The following ZMYND8 variants were observed in gnomAD, a reference collection of about 807,000 sequenced individuals.
ZMYND8 encodes the protein MYND-type zinc finger-containing chromatin reader ZMYND8.
ZMYND8 carries 37 observed loss-of-function variants against 140.8 expected under a neutral mutation model. The ratio of observed to expected loss-of-function variants is 0.26; its 90% CI spans 0.20 to 0.35. The LOEUF (loss-of-function observed/expected upper bound fraction) is 0.35, where lower values mean the gene tolerates loss of function less well. Among genes scored for constraint, ZMYND8 ranks in the 10% least tolerant of loss-of-function variants. The pLI is 1.00. For missense variants in ZMYND8, 1,068 were observed against 1,570.0 expected (o/e 0.68, Z 5.40); for synonymous variants, 592 against 597.1 (o/e 0.99, Z 0.12).
chr20:47,342,299 C>G (rs897243850), intron 2 of ZMYND8, among the ~76,000 whole-genome samples: 1 of 152,106 alleles, frequency 6.6e-6, no homozygotes, highest in Non-Finnish European at 1.5e-5. Flanking sequence ...AATCCCAGCA[C>G]TTTGGGAGGC....
intron 2 of ZMYND8, among the ~76,000 whole-genome samples, chr20:47,343,957 CTTT>C (rs750832298): frequency 1.7e-5 from 2 of 119,960 alleles, no homozygotes; most frequent in Non-Finnish European, 3.4e-5. Flanking sequence ...AGTGATAAAT[CTTT>C]TTTTTTTTTT....
At chr20:47,319,983 G>T (rs569781590) in intron 2 of ZMYND8, 2 of 152,122 alleles carry the variant, frequency 1.3e-5, no homozygotes, top group East Asian at 1.9e-4. Flanking sequence ...CCTTTACATT[G>T]TGGCTGGCTG....
intron 2 of ZMYND8, among the ~76,000 whole-genome samples, chr20:47,311,958 T>G (rs1398979292): frequency 6.6e-6 from 1 of 152,178 alleles, no homozygotes; most frequent in Non-Finnish European, 1.5e-5. Flanking sequence ...ATCCACTCCA[T>G]GCCCAATGGT....
At chr20:47,328,783 G>A (rs1280902294) in intron 2 of ZMYND8, among the ~76,000 whole-genome samples, 3 of 152,192 alleles carry the variant, frequency 2.0e-5, no homozygotes, top group Non-Finnish European at 2.9e-5. Context: ...TCTTGGAAGA[G>A]ATCCTTCATT....
rs1184351853 is a variant in ZMYND8, at chr20:47,249,363, G to A, written c.1698C>T (p.Ile566=). ...TGCTACGAATCTGGCGCTTGGGAGA[G>A]ATGAGAGGAACAGGGGTGGACTGTT... ...VQQQSTPVPL[I]SPKRQIRSRF... The change falls in exon 13 of 23, where the codon ATC becomes ATT. Residue 566 remains isoleucine (I), a synonymous_variant. Transcript: ENST00000471951. 6.2e-7 allele frequency: 1 copy of A among 1,614,166 alleles called. No individual in the cohort carries two copies. Among genetic ancestry groups the A allele is most frequent in the Non-Finnish European group, 8.5e-7 (1 of 1,180,024 alleles).
chr20:47,215,715 G>C (rs2035994714), intron 21 of ZMYND8, among the ~76,000 whole-genome samples: 2 of 152,094 alleles, frequency 1.3e-5, no homozygotes, highest in South Asian at 2.1e-4. Context: ...GTTGAGGAAG[G>C]AGACAGGACA....
intron 21 of ZMYND8, among the ~76,000 whole-genome samples, chr20:47,218,715 T>C (rs964156839): frequency 6.6e-6 from 1 of 152,150 alleles, no homozygotes; most frequent in African/African-American, 2.4e-5. Context: ...AGGGAGTTGC[T>C]TTTTCAATAG....
At chr20:47,262,186 A>G (rs913742356) in intron 12 of ZMYND8, 102 bp downstream of exon 12, 1 of 1,526,616 alleles carries the variant, frequency 6.6e-7, no homozygotes, top group African/African-American at 1.4e-5. Flanking sequence ...TTGCATAGAG[A>G]AAAGAGTTGA....
intron 20 of ZMYND8, among the ~76,000 whole-genome samples, 158 bp from the exon 21 acceptor site, chr20:47,220,482 G>A (rs529514753): frequency 3.2e-4 from 48 of 152,274 alleles, no homozygotes; most frequent in Non-Finnish European, 5.6e-4. Flanking sequence ...GGCACAGGGC[G>A]GCCAGGTGGC....
chr20:47,267,069 A>G (rs931630703), intron 11 of ZMYND8, among the ~76,000 whole-genome samples: 6 of 152,206 alleles, frequency 3.9e-5, no homozygotes, highest in African/African-American at 1.4e-4. Context: ...CCATAAAAGG[A>G]ATGAAGTTCT....
intron 1 of ZMYND8, chr20:47,355,376 T>C: frequency 2.2e-6 from 2 of 921,784 alleles, no homozygotes; most frequent in Non-Finnish European, 2.6e-6. Flanking sequence ...CAAGACCCAC[T>C]ATTACAAACA....
rs2039603071 is a variant in ZMYND8, at chr20:47,238,958, T to C, written c.2465A>G (p.Gln822Arg). 1 of 1,612,976 alleles carries C rather than the reference T, an allele frequency of 6.2e-7. No homozygotes were observed. The highest frequency in any genetic ancestry group is 8.5e-7 in the Non-Finnish European group (1 of 1,178,948). Residue 822 changes from glutamine to arginine, a missense_variant, in exon 15 of 23, where the codon CAG (glutamine) becomes CGG (arginine). Around this residue, in one of 10 missense-constraint regions of ZMYND8, gnomAD observed 383 missense variants for 431.2 expected, o/e 0.89. Transcript: ENST00000471951. ...AGTCTCCTTCGGTAAAAGCGGCCTC[T>C]GCTTTTTCACTGGGCTTCCTGTGGC... is the stretch of plus-strand genomic sequence containing the variant. ...PAATGSPVKK[Q>R]RPLLPKETAP...
At chr20:47,281,821 G>C (rs193185309) in intron 10 of ZMYND8, among the ~76,000 whole-genome samples, 5 of 152,188 alleles carry the variant, frequency 3.3e-5, no homozygotes, top group Admixed American at 2.0e-4. Context: ...AAACAAAAAA[G>C]AACAGCAGCA....
At chr20:47,226,090 G>A (rs750614164) in intron 18 of ZMYND8, among the ~76,000 whole-genome samples, 6 of 151,232 alleles carry the variant, frequency 4.0e-5, no homozygotes, top group Non-Finnish European at 7.4e-5. Flanking sequence ...GGCAGAGGCT[G>A]CAGTCAGCTG....
At chr20:47,299,022 T>C (rs1401985901) in intron 3 of ZMYND8, 75 bp from the exon 4 acceptor site, 1 of 1,386,772 alleles carries the variant, frequency 7.2e-7, no homozygotes, top group Non-Finnish European at 1.0e-6. Context: ...AACAAGTACA[T>C]CAATAACAAC....
intron 12 of ZMYND8, among the ~76,000 whole-genome samples, chr20:47,255,932 G>A (rs1469326648): frequency 6.6e-6 from 1 of 150,448 alleles, no homozygotes; most frequent in Non-Finnish European, 1.5e-5. Flanking sequence ...AATTAGCCGG[G>A]CATGGTGGCG....
rs1274546897 is a variant in ZMYND8, at chr20:47,356,150, G to A, written c.14+507C>T. Among the ~76,000 whole-genome samples, 5 of 151,866 alleles carry A rather than the reference G, an allele frequency of 3.3e-5. No individual in the cohort carries two copies. The South Asian group carries it at 8.3e-4, about 25-fold the overall frequency. ...ATCCAGCCTTCCCAGAACCTCTTTGGAGAGGCAAACTTGCCTGCTCTGCTG... is the reference window on the plus strand; with the variant it reads ...ATCCAGCCTTCCCAGAACCTCTTTGAAGAGGCAAACTTGCCTGCTCTGCTG... On this transcript the variant is annotated intron_variant, in intron 1 of 22. Transcript: ENST00000471951.
chr20:47,299,148 T>G (rs889078391), intron 3 of ZMYND8, among the ~76,000 whole-genome samples: 4 of 152,204 alleles, frequency 2.6e-5, no homozygotes, highest in African/African-American at 9.7e-5. Context: ...TTTTTTCTAT[T>G]TTAAGAGGCC....
intron 16 of ZMYND8, among the ~76,000 whole-genome samples, chr20:47,232,753 C>T (rs911376921): frequency 6.6e-6 from 1 of 152,124 alleles, no homozygotes. Flanking sequence ...TCAGGCAAAA[C>T]CAGACACCTA....
Sources: allele counts gnomAD v4.1 joint callset (sites outside exome capture counted in the v4.1 genomes callset), GRCh38; gene constraint gnomAD v4.1.1; regional missense constraint gnomAD v4.1.1; transcripts MANE v1.5; gene names NCBI Gene and HGNC (gene_info 2026-07-23, HGNC 2026-07-21).